Variants in SERPINB2 observed in about 807,000 individuals in gnomAD.
The protein encoded by SERPINB2 is serpin family B member 2, also known as plasminogen activator inhibitor 2.
A neutral mutation model predicts 39.4 loss-of-function variants in SERPINB2; 28 were observed. The observed-to-expected ratio is 0.71, with a 90% CI of 0.53 to 0.97. SERPINB2 has a LOEUF of 0.97. SERPINB2 is among the 50% of genes least tolerant of loss of function. The pLI is 0.00. For synonymous variants in SERPINB2, 209 were observed against 175.1 expected, an observed-to-expected ratio of 1.19 and a Z score of -1.53; for missense variants, 557 against 505.3, an observed-to-expected ratio of 1.10 and a Z score of -0.98.
In SERPINB2 at chr18:63,891,721, A is replaced by T. The variant is rs533254125; in HGVS notation, c.168+109A>T. On this transcript the variant is annotated intron_variant, in intron 2 of 7. Coordinates refer to ENST00000299502, the MANE Select transcript of SERPINB2 (RefSeq NM_002575.3). The stretch of plus-strand genomic sequence containing the variant: ...ATTTTAACTCAGGAGGTCAGCAATC[A>T]TCACAGGTAATGAAGCACTGATCCT... 5.1e-5 allele frequency: 54 copies of T among 1,067,946 alleles called. No individual in the cohort carries two copies. The African/African-American group carries it at 7.3e-4, about 15-fold the overall frequency. The allele number at this position is 1,067,946 out of a possible 1,614,324, so 66.2% of individuals were successfully genotyped here.
intron 4 of SERPINB2, 30 bp from the exon 5 acceptor site, chr18:63,897,697 T>G: frequency 1.5e-6 from 2 of 1,374,996 alleles, no homozygotes; most frequent in Non-Finnish European, 2.1e-6. Flanking sequence ...ATGTATTTTA[T>G]GTAGCCTTTG....
chr18:63,895,895 A>C (rs1335490445), intron 3 of SERPINB2, among the ~76,000 whole-genome samples: 5 of 151,694 alleles, frequency 3.3e-5, no homozygotes, highest in African/African-American at 1.2e-4. Context: ...CTATCTATCT[A>C]TATATTTTAT....
chr18:63,889,713 A>C (rs1456127082), intron 1 of SERPINB2: 1 of 151,594 alleles, frequency 6.6e-6, no homozygotes, highest in African/African-American at 2.4e-5. Flanking sequence ...TGAGCCATCC[A>C]ATGTAATCTA....
intron 2 of SERPINB2, 113 bp from the exon 3 acceptor site, chr18:63,895,151 T>A: frequency 8.1e-7 from 1 of 1,230,550 alleles, no homozygotes; most frequent in Non-Finnish European, 1.1e-6. Context: ...TCCCCATGTA[T>A]AAGGGAAGGG....
chr18:63,891,667 G>C (rs935993827), intron 2 of SERPINB2, 55 bp downstream of exon 2: 3 of 1,541,418 alleles, frequency 1.9e-6, no homozygotes, highest in Admixed American at 3.8e-5. Flanking sequence ...AATGGAATTG[G>C]AGAACTGCTC....
intron 3 of SERPINB2, 101 bp from the exon 4 acceptor site, chr18:63,896,990 A>G: frequency 9.3e-7 from 1 of 1,078,456 alleles, no homozygotes; most frequent in South Asian, 1.6e-5. Context: ...GTATTAATAT[A>G]GCATTTCATG....
At position 63,902,883 on chromosome 18, in the gene SERPINB2, T is replaced by C; in HGVS notation, c.844-18T>C. ...GCTGTATTTTCTTTTGTTTGTTTTG[T>C]TTTGTTTTGCTTTGCAGCTGGAAAG... is the stretch of plus-strand genomic sequence containing the variant. On this transcript the variant is annotated intron_variant, in intron 7 of 7. Transcript: ENST00000299502. 1 of 1,552,638 alleles carries C rather than the reference T, an allele frequency of 6.4e-7. No individual in the cohort carries two copies. The highest frequency in any genetic ancestry group is 8.7e-7 in the Non-Finnish European group (1 of 1,150,852).
rs145839181 is a variant in SERPINB2 at position 63,897,241 on chromosome 18, A to G, written c.417+22A>G. On this transcript the variant is annotated intron_variant, in intron 4 of 7. Coordinates refer to ENST00000299502, the MANE Select transcript of SERPINB2 (RefSeq NM_002575.3). ...GGAAGTAAGTGAAACCTGTAATTGAAATGGCTGGATCCCAAACAAGTAATG... is the reference window on the plus strand; with the variant it reads ...GGAAGTAAGTGAAACCTGTAATTGAGATGGCTGGATCCCAAACAAGTAATG... The G allele has an allele frequency of 1.9e-6, 3 of 1,604,220 alleles. No individual in the cohort carries two copies. The African/African-American group carries it at 4.0e-5, about 22-fold the overall frequency.
In SERPINB2 at chr18:63,902,555, C is replaced by T. The variant is rs1241046724; in HGVS notation, c.830C>T (p.Thr277Ile). 1 of 1,612,594 alleles carries T rather than the reference C, an allele frequency of 6.2e-7. No homozygotes were observed. The highest frequency in any genetic ancestry group is 1.7e-4 in the Middle Eastern group (1 of 6,042). ...CCAGATGAAATTGCCGATGTGTCCA[C>T]TGGCTTGGAGCTGGTAAGACATTCA... is the stretch of plus-strand genomic sequence containing the variant. ...LLPDEIADVSTGLELLESEIT... is the reference protein window; with the variant it reads ...LLPDEIADVSIGLELLESEIT... Residue 277 changes from threonine to isoleucine, a missense_variant, in exon 7 of 8, where the codon ACT (threonine) becomes ATT (isoleucine). Physicochemically the swap from Thr to Ile is moderately conservative, Grantham distance 89 (BLOSUM62 -1). Coordinates refer to ENST00000299502, the MANE Select transcript of SERPINB2 (RefSeq NM_002575.3).
At chr18:63,891,277 A>G (rs2049924077) in intron 1 of SERPINB2, among the ~76,000 whole-genome samples, 159 bp from the exon 2 acceptor site, 1 of 152,190 alleles carries the variant, frequency 6.6e-6, no homozygotes, top group South Asian at 2.1e-4. Context: ...TGGTATGTCC[A>G]TGAAGCTGTC....
intron 1 of SERPINB2, among the ~76,000 whole-genome samples, chr18:63,889,274 T>A (rs1020257712): frequency 6.6e-6 from 1 of 152,236 alleles, no homozygotes; most frequent in African/African-American, 2.4e-5. Context: ...ACACCTTATT[T>A]AAAAATATAA....
At chr18:63,897,952 A>T (rs533337669) in intron 5 of SERPINB2, 108 bp downstream of exon 5, 2 of 721,366 alleles carry the variant, frequency 2.8e-6, no homozygotes, top group East Asian at 5.1e-5. Flanking sequence ...AATTTGTCCA[A>T]CTGCAGTTAC....
intron 7 of SERPINB2, 149 bp downstream of exon 7, chr18:63,902,717 T>A: frequency 9.4e-7 from 1 of 1,067,192 alleles, no homozygotes; most frequent in Admixed American, 2.7e-5. Flanking sequence ...TACATTTCAT[T>A]CAAAGCCTTA....
chr18:63,894,999 C>T (rs7228512), intron 2 of SERPINB2, among the ~76,000 whole-genome samples: 3,639 of 152,066 alleles, frequency 0.024, 125 homozygotes, highest in African/African-American at 0.071. Context: ...GGTTTTAAAT[C>T]ATTTCATAAT....
At chr18:63,892,338 T>C (rs2049932022) in intron 2 of SERPINB2, among the ~76,000 whole-genome samples, 2 of 152,164 alleles carry the variant, frequency 1.3e-5, no homozygotes, top group African/African-American at 4.8e-5. Flanking sequence ...GTGGACTCAG[T>C]CAGGAAACTC....
chr18:63,891,449 AG>A lies in SERPINB2; in HGVS notation c.7del (p.Asp3IlefsTer69), dbSNP rs1256563879. 6.2e-7 allele frequency: 1 copy of A among 1,613,844 alleles called. No individual in the cohort carries two copies. The highest frequency in any genetic ancestry group is 8.5e-7 in the Non-Finnish European group (1 of 1,179,980). The stretch of plus-strand genomic sequence containing the variant: ...CTTTGCTTCTAGATTGAAACAATGG[AG>A]GATCTTTGTGTGGCAAACACACTCT... The part of the protein sequence containing the change: M[E>X]DLCVANTLFA... On this transcript the variant is annotated frameshift_variant, in exon 2 of 8. Coordinates refer to ENST00000299502, the MANE Select transcript of SERPINB2 (RefSeq NM_002575.3). LOFTEE classifies it high-confidence loss of function.
intron 2 of SERPINB2, among the ~76,000 whole-genome samples, chr18:63,893,993 A>G (rs1568235740): frequency 6.6e-6 from 1 of 152,186 alleles, no homozygotes; most frequent in Admixed American, 6.5e-5. Context: ...CCTGGATGGC[A>G]TAGGTCTGTG....
chr18:63,897,581 C>T, intron 4 of SERPINB2, 146 bp from the exon 5 acceptor site: 1 of 727,290 alleles, frequency 1.4e-6, no homozygotes, highest in Non-Finnish European at 2.5e-6. Context: ...CTCTTTCCCC[C>T]TTCAGCACCT....
At chr18:63,888,344 C>T (rs1052954348) in intron 1 of SERPINB2, among the ~76,000 whole-genome samples, 1 of 152,132 alleles carries the variant, frequency 6.6e-6, no homozygotes, top group Non-Finnish European at 1.5e-5. Flanking sequence ...AAAGTAGTTG[C>T]AGGGTTGACT....
Sources: allele counts gnomAD v4.1 joint callset (sites outside exome capture counted in the v4.1 genomes callset), GRCh38; gene constraint gnomAD v4.1.1; transcripts MANE v1.5; gene names NCBI Gene and HGNC (gene_info 2026-07-23, HGNC 2026-07-21).